The following CHN2 variants were observed in gnomAD, a reference collection of about 807,000 sequenced individuals.
CHN2 encodes the protein beta-chimaerin.
CHN2 carries 35 observed loss-of-function variants against 56.3 expected under a neutral mutation model. The ratio of observed to expected loss-of-function variants is 0.62; its 90% confidence interval spans 0.47 to 0.82. CHN2 has a LOEUF of 0.82. Ranked by LOEUF, CHN2 falls within the 40% of genes least tolerant of loss-of-function variation. The pLI is 0.00. For synonymous variants in CHN2, 210 were observed against 212.8 expected, an observed-to-expected ratio of 0.99 and a Z score of 0.12; for missense variants, 491 against 580.5, an observed-to-expected ratio of 0.85 and a Z score of 1.58.
At chr7:29,253,191 T>C (rs1214925909) in intron 1 of CHN2, among the ~76,000 whole-genome samples, 4 of 152,188 alleles carry the variant, frequency 2.6e-5, no homozygotes, top group African/African-American at 9.7e-5. Context: ...TCTTCAAGGC[T>C]GGTGTAGAAG....
chr7:29,328,086 G>A (rs1795947681), intron 1 of CHN2, among the ~76,000 whole-genome samples: 1 of 152,176 alleles, frequency 6.6e-6, no homozygotes, highest in Non-Finnish European at 1.5e-5. Context: ...TGTTCTTTGA[G>A]ACTCCAGCCT....
intron 3 of CHN2, among the ~76,000 whole-genome samples, chr7:29,377,097 G>A (rs1332884460): frequency 5.3e-5 from 8 of 152,086 alleles, no homozygotes; most frequent in Admixed American, 2.0e-4. Context: ...GCATGATCTC[G>A]GCTCACTGCA....
intron 1 of CHN2, among the ~76,000 whole-genome samples, chr7:29,218,854 A>C (rs1204558491): frequency 7.3e-5 from 11 of 151,324 alleles, no homozygotes; most frequent in East Asian, 2.0e-4. Context: ...CCTAATGCTA[A>C]ATGACGAGTT....
chr7:29,402,840 A>G lies in CHN2; in HGVS notation c.576+2012A>G, dbSNP rs554027400. Among the ~76,000 whole-genome samples, 14 of 152,336 alleles carry G rather than the reference A, an allele frequency of 9.2e-5. No homozygotes were observed. In the South Asian group the frequency reaches 2.3e-3, roughly 25 times the overall value. On this transcript the variant is annotated intron_variant, in intron 6 of 12. Coordinates refer to ENST00000222792, the MANE Select transcript of CHN2 (RefSeq NM_004067.4). ...ACAATATTCCTATCAGGAAACTTGT[A>G]CCTCAAAATATGCCCCCTTGTGCAG...
chr7:29,483,957 T>C, intron 7 of CHN2: 7 of 1,090,732 alleles, frequency 6.4e-6, no homozygotes, highest in African/African-American at 1.6e-5. Context: ...GAGTCACTTA[T>C]CGTGGTCTCT....
At chr7:29,184,014 T>C (rs146715807) in intron 2 of CHN2, among the ~76,000 whole-genome samples, 79 of 152,172 alleles carry the variant, frequency 5.2e-4, no homozygotes, top group African/African-American at 1.9e-3. Flanking sequence ...AGGCTATGCA[T>C]AGGTTATCTG....
chr7:29,360,476 T>C (rs1447329812), intron 2 of CHN2, among the ~76,000 whole-genome samples: 16 of 152,216 alleles, frequency 1.1e-4, no homozygotes, highest in Admixed American at 4.6e-4. Context: ...GCCGAGATCA[T>C]GCCATTGCAC....
At chr7:29,272,229 C>T (rs138807996) in intron 1 of CHN2, among the ~76,000 whole-genome samples, 91 of 152,296 alleles carry the variant, frequency 6.0e-4, no homozygotes, top group Admixed American at 1.9e-3. Context: ...TAGCATCTCA[C>T]TTCCCAGGTC....
intron 1 of CHN2, among the ~76,000 whole-genome samples, chr7:29,344,282 T>C (rs554501411): frequency 6.9e-4 from 105 of 152,304 alleles, no homozygotes; most frequent in African/African-American, 2.3e-3. Context: ...TCCAGTCCAC[T>C]TTCACTCTCA....
intron 1 of CHN2, among the ~76,000 whole-genome samples, chr7:29,278,805 C>G: frequency 1.3e-5 from 2 of 152,316 alleles, no homozygotes; most frequent in South Asian, 4.1e-4. Flanking sequence ...AGCCCTCCCC[C>G]ATAAGGAGTT....
chr7:29,305,043 G>A (rs1251888933), intron 1 of CHN2, among the ~76,000 whole-genome samples: 1 of 152,182 alleles, frequency 6.6e-6, no homozygotes, highest in Non-Finnish European at 1.5e-5. Flanking sequence ...TCCTGTCCTG[G>A]AGAGCTACTT....
In CHN2 at chr7:29,509,229, A is replaced by G. The variant is rs558965135; in HGVS notation, c.1130-72A>G. The G allele has an allele frequency of 1.7e-4, 195 of 1,148,558 alleles. 2 individuals are homozygous for G. The South Asian group carries it at 2.4e-3, about 14-fold the overall frequency. The allele number at this position is 1,148,558 out of a possible 1,614,324, so 71.1% of individuals were successfully genotyped here. ...TTCCCCACTTCTGGCTAAAACAAAA[A>G]CTTCTTGTTACTTCTCTGAAAACTT... On this transcript the variant is annotated intron_variant, in intron 11 of 12. Transcript: ENST00000222792.
intron 1 of CHN2, among the ~76,000 whole-genome samples, chr7:29,256,842 A>G (rs921280291): frequency 3.3e-5 from 5 of 152,142 alleles, no homozygotes; most frequent in African/African-American, 1.2e-4. Context: ...AAACCTACCT[A>G]CAGGGCCCTC....
chr7:29,203,473 A>G (rs1224444161), intron 1 of CHN2, among the ~76,000 whole-genome samples: 2 of 150,902 alleles, frequency 1.3e-5, no homozygotes, highest in African/African-American at 4.8e-5. Flanking sequence ...GTCTCAAAAA[A>G]AAAAAAAAAA....
intron 6 of CHN2, among the ~76,000 whole-genome samples, chr7:29,476,449 A>G (rs1786593199): frequency 6.6e-6 from 1 of 151,842 alleles, no homozygotes; most frequent in African/African-American, 2.4e-5. Context: ...ACGCAAGAGA[A>G]TCACTTGAAC....
chr7:29,385,978 C>A (rs940572864), intron 3 of CHN2, among the ~76,000 whole-genome samples: 4 of 152,086 alleles, frequency 2.6e-5, no homozygotes, highest in Non-Finnish European at 5.9e-5. Context: ...AATTGGTCAC[C>A]TTTTAAGGAG....
At chr7:29,360,380 G>A (rs542897241) in intron 2 of CHN2, among the ~76,000 whole-genome samples, 38 of 152,188 alleles carry the variant, frequency 2.5e-4, no homozygotes, top group Middle Eastern at 6.8e-3. Flanking sequence ...AATTAGCCAG[G>A]CATGGTGGTG....
intron 9 of CHN2, among the ~76,000 whole-genome samples, chr7:29,501,754 G>A (rs761776222): frequency 2.0e-5 from 3 of 152,100 alleles, no homozygotes; most frequent in Non-Finnish European, 4.4e-5. Context: ...CAGCTGTGGG[G>A]CCACCACTAC....
chr7:29,433,597 G>T (rs1310463661), intron 6 of CHN2, among the ~76,000 whole-genome samples: 1 of 152,190 alleles, frequency 6.6e-6, no homozygotes, highest in Non-Finnish European at 1.5e-5. Flanking sequence ...GGCACTTTGG[G>T]AGGCCAAGGC....
Sources: gnomAD v4.1 joint callset for allele counts (sites outside exome capture counted in the v4.1 genomes callset) on GRCh38, gnomAD v4.1.1 for gene constraint, MANE v1.5 for transcripts, NCBI Gene and HGNC (gene_info 2026-07-23, HGNC 2026-07-21) for gene names.